Variants in PTPRD observed in about 807,000 individuals in gnomAD.
PTPRD encodes receptor-type tyrosine-protein phosphatase delta.
PTPRD carries 34 observed loss-of-function variants against 214.5 expected under a neutral mutation model. The ratio of observed to expected loss-of-function variants is 0.16; its 90% confidence interval spans 0.12 to 0.21. The LOEUF is 0.21. PTPRD is among the 10% of genes least tolerant of loss of function. The pLI is 1.00. For missense variants in PTPRD, 2,545 were observed against 2,398.7 expected, an observed-to-expected ratio of 1.06 and a Z score of -1.27; for synonymous variants, 1,128 against 845.7, an observed-to-expected ratio of 1.33 and a Z score of -5.79.
intron 39 of PTPRD, among the ~76,000 whole-genome samples, chr9:8,344,037 C>T (rs918002205): frequency 2.6e-5 from 4 of 151,914 alleles, no homozygotes; most frequent in Non-Finnish European, 4.4e-5. Flanking sequence ...CCTGATATGC[C>T]ATCAGATTGC....
intron 9 of PTPRD, among the ~76,000 whole-genome samples, chr9:9,201,190 A>G (rs1213748243): frequency 6.6e-6 from 1 of 152,200 alleles, no homozygotes; most frequent in African/African-American, 2.4e-5. Flanking sequence ...ACTGCCATAT[A>G]CATGTCAGGA....
At chr9:10,323,928 TAA>T (rs1262754228) in intron 3 of PTPRD, among the ~76,000 whole-genome samples, 2 of 151,934 alleles carry the variant, frequency 1.3e-5, no homozygotes, top group African/African-American at 4.8e-5. Context: ...ACTTGTTCTC[TAA>T]GGAAAAAAAA....
chr9:8,448,700 G>C (rs1241372335), intron 34 of PTPRD, among the ~76,000 whole-genome samples: 1 of 152,058 alleles, frequency 6.6e-6, no homozygotes, highest in Non-Finnish European at 1.5e-5. Flanking sequence ...AGAGTTACTA[G>C]TTACTATGTT....
chr9:10,274,347 G>T (rs1328483527), intron 3 of PTPRD, among the ~76,000 whole-genome samples: 1 of 152,112 alleles, frequency 6.6e-6, no homozygotes, highest in Non-Finnish European at 1.5e-5. Context: ...GAATCCTTTG[G>T]CAGTTGGACA....
At chr9:10,430,639 T>C (rs2098668562) in intron 2 of PTPRD, among the ~76,000 whole-genome samples, 3 of 152,034 alleles carry the variant, frequency 2.0e-5, no homozygotes, top group African/African-American at 7.2e-5. Flanking sequence ...AATACCTCCG[T>C]CAGAATAATA....
Position 9,590,480 on chromosome 9 carries a change from ACTT to A in PTPRD, c.-286-15702_-286-15700del, listed in dbSNP as rs567771236. Among the ~76,000 whole-genome samples the A allele has an allele frequency of 2.8e-3, 432 of 152,142 alleles. 5 individuals carry two copies. Among genetic ancestry groups the A allele is most frequent in the African/African-American group, 8.5e-3 (354 of 41,544 alleles). ...TTTGTATGAACATTATAAAAAGACT[ACTT>A]CTTCTTATTATCTGTATTCTTATTT... On this transcript the variant is annotated intron_variant, in intron 7 of 45. Transcript: ENST00000381196.
chr9:8,636,972 T>C lies in PTPRD; in HGVS notation c.65-128A>G, dbSNP rs1037381532. The C allele has an allele frequency of 2.4e-5, 21 of 872,002 alleles. No individual in the cohort carries two copies. In the African/African-American group the frequency reaches 3.0e-4, roughly 13 times the overall value. 54.0% of individuals were successfully genotyped at this position (872,002 alleles called of 1,614,324 possible). A position where few individuals can be genotyped will look rare whatever the true frequency, so the allele number is the denominator to read the frequency against. On this transcript the variant is annotated intron_variant, in intron 12 of 45. Coordinates refer to ENST00000381196, the MANE Select transcript of PTPRD (RefSeq NM_002839.4). ...AGACATACATTTTTACAATGCACTA[T>C]GGGATTACAAAATTAGAAAAGCATC...
Position 8,665,075 on chromosome 9 carries a change from CA to C in PTPRD, c.65-28232del, listed in dbSNP as rs146539832. ...AACTACAGCAATAAAAGTAAAGCAG[CA>C]AAAAAAAAATATGTTCGCTCATTCT... On this transcript the variant is annotated intron_variant, in intron 12 of 45. Transcript: ENST00000381196. 1.0e-4 allele frequency among the ~76,000 whole-genome samples: 15 copies of C among 147,998 alleles called. 1 individual carries two copies. The highest frequency in any genetic ancestry group is 2.1e-4 in the South Asian group (1 of 4,674).
intron 9 of PTPRD, among the ~76,000 whole-genome samples, chr9:9,347,159 G>T (rs1409219541): frequency 6.6e-6 from 1 of 151,998 alleles, no homozygotes; most frequent in East Asian, 1.9e-4. Context: ...ACAGAGTGAG[G>T]CTCTGTTTGA....
chr9:9,174,724 T>C (rs570299280), intron 10 of PTPRD, among the ~76,000 whole-genome samples: 2 of 152,340 alleles, frequency 1.3e-5, no homozygotes, highest in East Asian at 3.9e-4. Flanking sequence ...AAAAATGTAA[T>C]TCTGCCTAGA....
intron 12 of PTPRD, among the ~76,000 whole-genome samples, chr9:8,725,022 A>G (rs1391115473): frequency 6.6e-6 from 1 of 152,248 alleles, no homozygotes; most frequent in Non-Finnish European, 1.5e-5. Flanking sequence ...AGTTAACAGT[A>G]CTGTGCAAAT....
At chr9:9,491,877 A>T (rs1483050144) in intron 8 of PTPRD, among the ~76,000 whole-genome samples, 1 of 152,050 alleles carries the variant, frequency 6.6e-6, no homozygotes, top group Non-Finnish European at 1.5e-5. Flanking sequence ...AGCTAGCAGA[A>T]GGATGGAAAC....
chr9:9,758,386 G>A (rs1338635393), intron 6 of PTPRD, among the ~76,000 whole-genome samples: 1 of 152,040 alleles, frequency 6.6e-6, no homozygotes, highest in Non-Finnish European at 1.5e-5. Flanking sequence ...GCCCACCTGT[G>A]ATGGTGGCTG....
intron 6 of PTPRD, among the ~76,000 whole-genome samples, chr9:9,735,470 A>T (rs1298887345): frequency 1.3e-5 from 2 of 152,144 alleles, no homozygotes; most frequent in Non-Finnish European, 2.9e-5. Flanking sequence ...AAAGGAGTTG[A>T]CACTATTGTG....
chr9:8,327,520 G>A (rs1835131613), intron 44 of PTPRD, among the ~76,000 whole-genome samples: 1 of 152,152 alleles, frequency 6.6e-6, no homozygotes, highest in Non-Finnish European at 1.5e-5. Context: ...GTTGATTTGG[G>A]TGGAGAGTTC....
At chr9:9,270,327 G>C (rs1053741222) in intron 9 of PTPRD, among the ~76,000 whole-genome samples, 19 of 151,320 alleles carry the variant, frequency 1.3e-4, no homozygotes, top group Non-Finnish European at 2.8e-4. Flanking sequence ...TAAGGGAAAA[G>C]AACATGAAAA....
At chr9:8,925,815 T>C (rs568017772) in intron 11 of PTPRD, among the ~76,000 whole-genome samples, 33 of 151,636 alleles carry the variant, frequency 2.2e-4, no homozygotes, top group African/African-American at 8.0e-4. Context: ...CAAGGAGAAC[T>C]TAATTCAACG....
At chr9:9,309,413 A>G (rs965670531) in intron 9 of PTPRD, among the ~76,000 whole-genome samples, 1 of 152,178 alleles carries the variant, frequency 6.6e-6, no homozygotes, top group African/African-American at 2.4e-5. Context: ...AATGATGCCA[A>G]AACTATTTCA....
chr9:9,644,462 T>A (rs1443031687), intron 7 of PTPRD, among the ~76,000 whole-genome samples: 2 of 152,228 alleles, frequency 1.3e-5, no homozygotes, highest in Non-Finnish European at 2.9e-5. Flanking sequence ...TTGGTCTGAA[T>A]AAAGATTTCC....
Sources: allele counts gnomAD v4.1 joint callset (sites outside exome capture counted in the v4.1 genomes callset), GRCh38; gene constraint gnomAD v4.1.1; transcripts MANE v1.5; gene names NCBI Gene and HGNC (gene_info 2026-07-23, HGNC 2026-07-21).